PTGER3: variants seen among roughly 807,000 people sequenced by gnomAD.
PTGER3 encodes prostaglandin E2 receptor EP3 subtype.
PTGER3 carries 22 observed loss-of-function variants against 34.7 expected under a neutral mutation model. The ratio of observed to expected loss-of-function variants is 0.63; its 90% confidence interval spans 0.45 to 0.91. The LOEUF (loss-of-function observed/expected upper bound fraction) is 0.91, where lower values mean the gene tolerates loss of function less well. PTGER3 is among the 40% of genes least tolerant of loss of function. The probability of loss-of-function intolerance (pLI) is 0.00; values close to 1 mark genes in which losing one functional copy is unlikely to be tolerated. For missense variants in PTGER3, 468 were observed against 519.4 expected, an observed-to-expected ratio of 0.90 and a Z score of 0.96; for synonymous variants, 241 against 230.1, an observed-to-expected ratio of 1.05 and a Z score of -0.43.
At chr1:70,902,079 T>C (rs965023944) in intron 4 of PTGER3, among the ~76,000 whole-genome samples, 1 of 151,944 alleles carries the variant, frequency 6.6e-6, no homozygotes, top group Non-Finnish European at 1.5e-5. Flanking sequence ...AAAAAATATA[T>C]TTTCACAGAA....
chr1:70,922,539 A>G (rs1647635247), intron 4 of PTGER3, among the ~76,000 whole-genome samples: 2 of 152,130 alleles, frequency 1.3e-5, no homozygotes, highest in South Asian at 4.1e-4. Context: ...TGTGCTGGAA[A>G]AAGCCAGCCC....
intron 4 of PTGER3, among the ~76,000 whole-genome samples, chr1:70,923,372 T>C (rs1307365862): frequency 1.3e-5 from 2 of 152,226 alleles, no homozygotes; most frequent in African/African-American, 2.4e-5. Flanking sequence ...TCCATATCAA[T>C]TGTGGCCTTA....
At chr1:70,899,481 G>A (rs1354818353) in intron 4 of PTGER3, among the ~76,000 whole-genome samples, 1 of 152,166 alleles carries the variant, frequency 6.6e-6, no homozygotes, top group Non-Finnish European at 1.5e-5. Context: ...TCTCATGAGA[G>A]AAGACATAGA....
At chr1:70,905,806 A>G (rs1159399041) in intron 4 of PTGER3, among the ~76,000 whole-genome samples, 1 of 151,858 alleles carries the variant, frequency 6.6e-6, no homozygotes, top group Non-Finnish European at 1.5e-5. Context: ...ACTTTGGGGG[A>G]CTGTTGGGAA....
chr1:71,012,386 A>G lies in PTGER3; in HGVS notation c.996T>C (p.Val332=). 1 of 1,614,190 alleles carries G rather than the reference A, an allele frequency of 6.2e-7. No individual in the cohort carries two copies. Among genetic ancestry groups the G allele is most frequent in the Non-Finnish European group, 8.5e-7 (1 of 1,180,040 alleles). ...AGATCTGGTTCAGTGAAGCCAGGCG[A>G]ACAGCTATTAAGAAGAAGTTGCATT... ...QKECNFFLIA[V]RLASLNQILD... is the part of the protein sequence containing the mutation. The change falls in exon 2 of 4, where the codon GTT becomes GTC. Residue 332 remains valine, a synonymous_variant. Transcript: ENST00000306666.
At chr1:70,998,082 T>C (rs1039161398) in intron 2 of PTGER3, among the ~76,000 whole-genome samples, 2 of 152,256 alleles carry the variant, frequency 1.3e-5, no homozygotes, top group African/African-American at 4.8e-5. Context: ...TAGTCCGCCC[T>C]TCAGGGCATA....
chr1:71,024,766 G>A (rs908798128), intron 1 of PTGER3, among the ~76,000 whole-genome samples: 1 of 150,606 alleles, frequency 6.6e-6, no homozygotes, highest in Admixed American at 6.7e-5. Context: ...TGTTGACCAG[G>A]CTGGTCTTGA....
chr1:70,962,066 C>T (rs1235079746), intron 2 of PTGER3, among the ~76,000 whole-genome samples: 2 of 152,144 alleles, frequency 1.3e-5, no homozygotes, highest in Admixed American at 6.5e-5. Context: ...GTAGATGTTA[C>T]TCTATTTTAC....
downstream of PTGER3, among the ~76,000 whole-genome samples, chr1:70,948,234 G>C (rs559356128): frequency 6.6e-6 from 1 of 152,272 alleles, no homozygotes; most frequent in South Asian, 2.1e-4. Flanking sequence ...TAGGGACCCA[G>C]TGGGAGGTAA....
intron 2 of PTGER3, among the ~76,000 whole-genome samples, chr1:70,957,546 C>A (rs779462171): frequency 9.7e-4 from 148 of 152,144 alleles, no homozygotes; most frequent in Non-Finnish European, 1.8e-3. Flanking sequence ...AATTTTCTTC[C>A]TTTTTAAAAT....
At chr1:70,939,082 G>C (rs928188488) in intron 4 of PTGER3, among the ~76,000 whole-genome samples, 3 of 152,154 alleles carry the variant, frequency 2.0e-5, no homozygotes, top group African/African-American at 7.2e-5. Flanking sequence ...TACAATAGGG[G>C]TACAAGTATT....
intron 2 of PTGER3, among the ~76,000 whole-genome samples, chr1:70,993,485 T>C (rs1408507754): frequency 6.6e-6 from 1 of 152,182 alleles, no homozygotes; most frequent in Non-Finnish European, 1.5e-5. Context: ...TTTTGTACAG[T>C]TAGGCTAAAA....
chr1:70,873,866 GT>G (rs2100555928), intron 4 of PTGER3, among the ~76,000 whole-genome samples: 1 of 152,048 alleles, frequency 6.6e-6, no homozygotes, highest in African/African-American at 2.4e-5. Context: ...CCAGGAGGGG[GT>G]TTTGGTGCTT....
chr1:70,858,199 T>C (rs548618020), intron 4 of PTGER3, among the ~76,000 whole-genome samples: 3 of 104,230 alleles, frequency 2.9e-5, no homozygotes, highest in Non-Finnish European at 5.5e-5. Flanking sequence ...AAAACACAGA[T>C]TCTTTTTTTT....
chr1:70,901,082 G>A (rs1344006921), intron 4 of PTGER3, among the ~76,000 whole-genome samples: 1 of 152,172 alleles, frequency 6.6e-6, no homozygotes, highest in Non-Finnish European at 1.5e-5. Flanking sequence ...AACAGGAAGA[G>A]AAAACCCCTT....
At chr1:70,938,065 T>C (rs1213594227) in intron 4 of PTGER3, among the ~76,000 whole-genome samples, 1 of 152,176 alleles carries the variant, frequency 6.6e-6, no homozygotes, top group Admixed American at 6.5e-5. Flanking sequence ...TGAAATACTG[T>C]TTACACTCTC....
At chr1:71,007,593 T>G in intron 2 of PTGER3, 1 of 985,340 alleles carries the variant, frequency 1.0e-6, no homozygotes, top group Non-Finnish European at 1.2e-6. Context: ...CATCATATCT[T>G]TTTCTATGTT....
In PTGER3 at chr1:71,046,867, C is replaced by T; in HGVS notation, c.711G>A (p.Leu237=). 6.2e-7 allele frequency: 1 copy of T among 1,613,956 alleles called. No individual in the cohort carries two copies. The highest frequency in any genetic ancestry group is 8.5e-7 in the Non-Finnish European group (1 of 1,179,992). ...AGGTGACTGTCAGCGCCAAGAGCCC[C>T]AGGAAGGCAAAGGCAGAGGCGAAGA... ...NLFFASAFAF[L]GLLALTVTFS... The change falls in exon 1 of 4, where the codon CTG becomes CTA. Residue 237 remains leucine, a synonymous_variant. Coordinates refer to ENST00000306666, the MANE Select transcript of PTGER3 (RefSeq NM_198719.2).
intron 1 of PTGER3, among the ~76,000 whole-genome samples, chr1:71,028,395 C>T (rs1475555601): frequency 2.0e-5 from 3 of 152,122 alleles, no homozygotes; most frequent in Non-Finnish European, 2.9e-5. Context: ...TCCTAGATGA[C>T]GATGCTGAGC....
Sources: allele counts gnomAD v4.1 joint callset (sites outside exome capture counted in the v4.1 genomes callset), GRCh38; gene constraint gnomAD v4.1.1; transcripts MANE v1.5; gene names NCBI Gene and HGNC (gene_info 2026-07-23, HGNC 2026-07-21).